SLC5A9: variants seen among roughly 807,000 people sequenced by gnomAD.
The protein encoded by SLC5A9 is sodium/glucose cotransporter 4.
SLC5A9 carries 59 observed loss-of-function variants against 70.9 expected under a neutral mutation model. The observed-to-expected ratio is 0.83, with a 90% CI of 0.68 to 1.03. The LOEUF (loss-of-function observed/expected upper bound fraction) is 1.03. Ranked by LOEUF, SLC5A9 falls within the 50% of genes least tolerant of loss-of-function variation. The pLI is 0.00. For synonymous variants in SLC5A9, 340 were observed against 346.5 expected, an observed-to-expected ratio of 0.98 and a Z score of 0.21; for missense variants, 832 against 881.1, an observed-to-expected ratio of 0.94 and a Z score of 0.71.
intron 2 of SLC5A9, 71 bp downstream of exon 2, chr1:48,224,866 C>T (rs539885155): frequency 2.9e-6 from 4 of 1,402,248 alleles, no homozygotes; most frequent in East Asian, 2.3e-5. Context: ...TATCCAAGCA[C>T]TTGTCCCATC....
rs1644262050 is a variant in SLC5A9, at chr1:48,232,386, T to C, written c.917T>C (p.Leu306Pro). 6.2e-7 allele frequency: 1 copy of C among 1,614,034 alleles called. No individual in the cohort carries two copies. ...CTDQVIVQRS[L>P]SAKSLSHAKG... is the part of the protein sequence containing the mutation. The stretch of plus-strand genomic sequence containing the variant: ...TTTCAGGTCATTGTGCAGCGGTCTC[T>C]CTCGGCCAAGAGTCTGTCTCATGCC... Residue 306 changes from leucine (L) to proline (P), a missense_variant, in exon 8 of 14, where the codon CTC (leucine) becomes CCC (proline). Coordinates refer to ENST00000438567, the MANE Select transcript of SLC5A9 (RefSeq NM_001011547.3).
chr1:48,233,159 G>A (rs943843429), intron 8 of SLC5A9, among the ~76,000 whole-genome samples: 1 of 151,840 alleles, frequency 6.6e-6, no homozygotes, highest in African/African-American at 2.4e-5. Flanking sequence ...TCAGGAGTTC[G>A]AGACCAGCCT....
chr1:48,227,557 CAT>C (rs1491553161), intron 2 of SLC5A9, among the ~76,000 whole-genome samples: 1 of 103,632 alleles, frequency 9.6e-6, no homozygotes, highest in African/African-American at 3.9e-5. Context: ...GGTGTGAGTG[CAT>C]GTGTGTCAGA....
rs767235378 is a variant in SLC5A9, at chr1:48,232,413, AG to A, written c.947del (p.Gly316GlufsTer9). ...TCGGCCAAGAGTCTGTCTCATGCCA[AG>A]GGAGGCTCCGTGCTGGGGGGCTACC... is the stretch of plus-strand genomic sequence containing the variant. ...SLSAKSLSHA[K>X]GGSVLGGYLK... is the part of the protein sequence containing the mutation. On this transcript the variant is annotated frameshift_variant, in exon 8 of 14. Transcript: ENST00000438567. LOFTEE classifies it high-confidence loss of function. 1 of 1,614,020 alleles carries A rather than the reference AG, an allele frequency of 6.2e-7. No individual in the cohort carries two copies. The highest frequency in any genetic ancestry group is 1.3e-5 in the African/African-American group (1 of 74,902).
chr1:48,234,031 C>A (rs1644294231), intron 9 of SLC5A9, among the ~76,000 whole-genome samples: 1 of 152,198 alleles, frequency 6.6e-6, no homozygotes, highest in Non-Finnish European at 1.5e-5. Flanking sequence ...TTGCCACAGG[C>A]ACAATCCAGT....
chr1:48,244,711 A>AATATATATATATATATATATATAT, intron 13 of SLC5A9, among the ~76,000 whole-genome samples: 1 of 136,150 alleles, frequency 7.3e-6, no homozygotes, highest in East Asian at 2.1e-4. Flanking sequence ...TTGCTTTGCA[A>AATATATATATATATATATATATAT]ATATATATAT....
Position 48,226,619 on chromosome 1 carries a change from C to T in SLC5A9, c.234+1824C>T, listed in dbSNP as rs555871567. Among the ~76,000 whole-genome samples the T allele has an allele frequency of 7.0e-4, 107 of 152,338 alleles. No individual in the cohort carries two copies. The Middle Eastern group carries it at 0.017, about 24-fold the overall frequency. ...AGTGTTTGTCTGGGCATCTGCCCTG[C>T]CCTGAGTCTGTGCCCCATGAACAGT... On this transcript the variant is annotated intron_variant, in intron 2 of 13. Coordinates refer to ENST00000438567, the MANE Select transcript of SLC5A9 (RefSeq NM_001011547.3).
intron 5 of SLC5A9, among the ~76,000 whole-genome samples, chr1:48,230,992 G>T (rs1196352733): frequency 6.6e-6 from 1 of 152,166 alleles, no homozygotes; most frequent in African/African-American, 2.4e-5. Flanking sequence ...GAGACAGTAA[G>T]AAATACCACA....
In SLC5A9 at chr1:48,228,912, A is replaced by G. The variant is rs755460060; in HGVS notation, c.297A>G (p.Thr99=). The G allele has an allele frequency of 1.9e-6, 3 of 1,613,608 alleles. No homozygotes were observed. Among genetic ancestry groups the G allele is most frequent in the East Asian group, 4.5e-5 (2 of 44,860 alleles). ...GSGLFIGLAG[T]GAAGGLAVGG... is the part of the protein sequence containing the mutation. Reference sequence around the variant, plus strand: ...GCTTGTTCATCGGCCTGGCTGGGACAGGGGCTGCCGGAGGCCTTGCCGTAG... The same window carrying G: ...GCTTGTTCATCGGCCTGGCTGGGACGGGGGCTGCCGGAGGCCTTGCCGTAG... The change falls in exon 3 of 14, where the codon ACA becomes ACG. Residue 99 remains threonine (T), a synonymous_variant. Transcript: ENST00000438567.
In SLC5A9 at chr1:48,224,886, C is replaced by T. The variant is rs1456658160; in HGVS notation, c.234+91C>T. On this transcript the variant is annotated intron_variant, in intron 2 of 13. Transcript: ENST00000438567. ...AAGCACTTGTCCCATCTTCTCACAC[C>T]TGGACCAAGGCAAAGACCTCCCCGT... 17 of 1,293,288 alleles carry T rather than the reference C, an allele frequency of 1.3e-5. No individual in the cohort carries two copies. In the African/African-American group the frequency reaches 2.2e-4, roughly 17 times the overall value. The allele number at this position is 1,293,288 out of a possible 1,614,324, so 80.1% of individuals were successfully genotyped here. A position where few individuals can be genotyped will look rare whatever the true frequency, so the allele number is the denominator to read the frequency against.
chr1:48,235,596 C>A, intron 9 of SLC5A9, 133 bp from the exon 10 acceptor site: 2 of 1,033,344 alleles, frequency 1.9e-6, no homozygotes, highest in Non-Finnish European at 2.8e-6. Context: ...GGATGGGAGC[C>A]TCATCCAACC....
intron 4 of SLC5A9, 140 bp from the exon 5 acceptor site, chr1:48,230,460 A>G (rs955076866): frequency 3.1e-6 from 2 of 635,190 alleles, no homozygotes; most frequent in African/African-American, 3.6e-5. Context: ...CACACTCCTT[A>G]GCATAGCACT....
rs752449885 is a variant in SLC5A9 at position 48,227,569 on chromosome 1, A to AGT, written c.235-1268_235-1267dup. The stretch of plus-strand genomic sequence containing the variant: ...GTGGGTGTGAGTGCATGTGTGTCAG[A>AGT]GTGTGTGTGTGTGTACTGTGCCTGT... On this transcript the variant is annotated intron_variant, in intron 2 of 13. Coordinates refer to ENST00000438567, the MANE Select transcript of SLC5A9 (RefSeq NM_001011547.3). Among the ~76,000 whole-genome samples, 526 of 87,104 alleles carry AGT rather than the reference A, an allele frequency of 6.0e-3. 8 individuals are homozygous for AGT. The highest frequency in any genetic ancestry group is 0.022 in the African/African-American group (488 of 21,974). The allele number at this position is 87,104 out of a possible 152,430, so 57.1% of individuals were successfully genotyped here. A position where few individuals can be genotyped will look rare whatever the true frequency, so the allele number is the denominator to read the frequency against.
At chr1:48,232,615 T>G (rs1644265962) in intron 8 of SLC5A9, 113 bp downstream of exon 8, 1 of 1,414,966 alleles carries the variant, frequency 7.1e-7, no homozygotes. Context: ...TTGGCAAGGT[T>G]TGTCTATTAA....
In SLC5A9 at chr1:48,230,903, C is replaced by A. The variant is rs550370093; in HGVS notation, c.610+198C>A. On this transcript the variant is annotated intron_variant, in intron 5 of 13. Transcript: ENST00000438567. ...AGAAGAACACAGGGGAACAGAATGACAGACACAGGGACAGAGACCAGGGGG... is the reference window on the plus strand; with the variant it reads ...AGAAGAACACAGGGGAACAGAATGAAAGACACAGGGACAGAGACCAGGGGG... Among the ~76,000 whole-genome samples, 3 of 152,198 alleles carry A rather than the reference C, an allele frequency of 2.0e-5. No homozygotes were observed. The South Asian group carries it at 6.2e-4, about 32-fold the overall frequency.
At position 48,239,607 on chromosome 1, in the gene SLC5A9, G is replaced by A. The variant is rs889125343; in HGVS notation, c.1677+70G>A. 3.5e-5 allele frequency: 51 copies of A among 1,445,212 alleles called. No individual in the cohort carries two copies. Among genetic ancestry groups the A allele is most frequent in the Non-Finnish European group, 4.0e-5 (41 of 1,031,540 alleles). 89.5% of individuals were successfully genotyped at this position (1,445,212 alleles called of 1,614,324 possible). A position where few individuals can be genotyped will look rare whatever the true frequency, so the allele number is the denominator to read the frequency against. ...TTCCCCCATAGCCTAGAATTCCACT[G>A]CTGACTTTTACTCTGTTGGGTTATG... On this transcript the variant is annotated intron_variant, in intron 12 of 13. Transcript: ENST00000438567. The surrounding 1 kb of genome is among the most constrained non-coding windows in gnomAD (Gnocchi z 4.2).
In SLC5A9 at chr1:48,230,624, T is replaced by C. The variant is rs1644234438; in HGVS notation, c.529T>C (p.Phe177Leu). 1 of 1,614,038 alleles carries C rather than the reference T, an allele frequency of 6.2e-7. No individual in the cohort carries two copies. Among genetic ancestry groups the C allele is most frequent in the Admixed American group, 1.7e-5 (1 of 60,016 alleles). Residue 177 changes from phenylalanine to leucine, a missense_variant, in exon 5 of 14, where the codon TTC (phenylalanine) becomes CTC (leucine). Phe to Leu is a conservative substitution (Grantham distance 22). Transcript: ENST00000438567. ...GACTGACATCTTCTCTGGAGCCCTC[T>C]TCATCCAGATGGCATTGGGCTGGAA... The part of the protein sequence containing the change: ...ISTDIFSGAL[F>L]IQMALGWNLY...
At chr1:48,244,957 T>C in intron 13 of SLC5A9, among the ~76,000 whole-genome samples, 1 of 127,960 alleles carries the variant, frequency 7.8e-6, no homozygotes, top group South Asian at 2.5e-4. Context: ...AGACAGAATA[T>C]TTGGAACAGC....
rs1224231648 is a variant in SLC5A9 at position 48,239,256 on chromosome 1, T to G, written c.1462-66T>G. The G allele has an allele frequency of 1.3e-5, 15 of 1,135,416 alleles. No individual in the cohort carries two copies. The Admixed American group carries it at 3.0e-4, about 23-fold the overall frequency. 70.3% of individuals were successfully genotyped at this position (1,135,416 alleles called of 1,614,324 possible). A position where few individuals can be genotyped will look rare whatever the true frequency, so the allele number is the denominator to read the frequency against. ...GTGGGAGAGAGATTTGGGGAGAGAG[T>G]AGTTTTACCTTCCTAGGGTCTCCCA... On this transcript the variant is annotated intron_variant, in intron 11 of 13. Coordinates refer to ENST00000438567, the MANE Select transcript of SLC5A9 (RefSeq NM_001011547.3). The surrounding 1 kb of genome is among the most constrained non-coding windows in gnomAD (Gnocchi z 4.2).
Sources: gnomAD v4.1 joint callset for allele counts (sites outside exome capture counted in the v4.1 genomes callset) on GRCh38, gnomAD v4.1.1 for gene constraint, Gnocchi (gnomAD v3.1) non-coding constraint, MANE v1.5 for transcripts, NCBI Gene and HGNC (gene_info 2026-07-23, HGNC 2026-07-21) for gene names.